Variants in PIK3CG observed in about 807,000 individuals in gnomAD.
PIK3CG encodes the protein phosphatidylinositol-4,5-bisphosphate 3-kinase catalytic subunit gamma.
Under a neutral mutation model 102.3 loss-of-function variants are expected in PIK3CG, and 55 were observed. The ratio of observed to expected loss-of-function variants is 0.54; its 90% confidence interval spans 0.43 to 0.67. The LOEUF (loss-of-function observed/expected upper bound fraction) is 0.67. Among genes scored for constraint, PIK3CG ranks in the 30% least tolerant of loss-of-function variants. The pLI is 0.00. For synonymous variants in PIK3CG, 552 were observed against 540.0 expected (o/e 1.02, Z -0.31); for missense variants, 1,258 against 1,391.8 (o/e 0.90, Z 1.53).
chr7:106,881,936 C>T (rs1456690127), intron 6 of PIK3CG, among the ~76,000 whole-genome samples, 181 bp from the exon 7 acceptor site: 3 of 152,016 alleles, frequency 2.0e-5, no homozygotes, highest in Non-Finnish European at 4.4e-5. Context: ...TTAACAAGCT[C>T]ACAAAGAAGA....
At position 106,886,258 on chromosome 7, in the gene PIK3CG, G is replaced by A. The variant is rs775602332; in HGVS notation, c.2996G>A (p.Gly999Glu). Residue 999 changes from glycine (G) to glutamate (E), a missense_variant, in exon 10 of 11, where the codon GGA (glycine) becomes GAA (glutamate). Gly to Glu is a moderately conservative substitution (Grantham distance 98). Transcript: ENST00000496166. ...PDFLFVMGTSGKKTSPHFQKF... is the reference protein window; with the variant it reads ...PDFLFVMGTSEKKTSPHFQKF... The stretch of plus-strand genomic sequence containing the variant: ...TTCCTCTTTGTGATGGGAACTTCTG[G>A]AAAGAAGACAAGCCCACACTTCCAG... 1.5e-5 allele frequency: 25 copies of A among 1,614,060 alleles called. No homozygotes were observed. Among genetic ancestry groups the A allele is most frequent in the Non-Finnish European group, 2.1e-5 (25 of 1,179,994 alleles).
At position 106,879,331 on chromosome 7, in the gene PIK3CG, G is replaced by A. The variant is rs547177594; in HGVS notation, c.2392-188G>A. ...GCACTGGTTTAAGAGTTGTGAATTC[G>A]CTCTCACATGGCATTTCCAGATTTG... On this transcript the variant is annotated intron_variant, in intron 5 of 10. Transcript: ENST00000496166. The surrounding 1 kb of genome is among the most constrained non-coding windows in gnomAD (Gnocchi z 4.9). Among the ~76,000 whole-genome samples the A allele has an allele frequency of 6.6e-6, 1 of 152,186 alleles. No homozygotes were observed. The highest frequency in any genetic ancestry group is 2.1e-4 in the South Asian group (1 of 4,820).
At position 106,894,704 on chromosome 7, in the gene PIK3CG, T is replaced by C. The variant is rs1191052421; in HGVS notation, c.3030+8412T>C. On this transcript the variant is annotated intron_variant, in intron 10 of 10. Transcript: ENST00000496166. The surrounding 1 kb of genome is among the most constrained non-coding windows in gnomAD (Gnocchi z 4.4). ...CTCTAGCAGACAGAGGCAACATTAC[T>C]ATTTAGGAAAAGTAAGTGGAGGTTC... is the stretch of plus-strand genomic sequence containing the variant. Among the ~76,000 whole-genome samples the C allele has an allele frequency of 6.6e-6, 1 of 152,234 alleles. No individual in the cohort carries two copies. The highest frequency in any genetic ancestry group is 1.5e-5 in the Non-Finnish European group (1 of 68,036).
chr7:106,867,558 G>A lies in PIK3CG; in HGVS notation c.-4G>A, dbSNP rs373674616. 1.5e-4 allele frequency: 229 copies of A among 1,549,550 alleles called. No homozygotes were observed. In the East Asian group the frequency reaches 4.2e-3, roughly 28 times the overall value. ...TGTCCCTCCGCTCCCAGGTCGCATA[G>A]GGCATGGAGCTGGAGAACTATAAAC... On this transcript the variant is annotated 5_prime_UTR_variant, in exon 2 of 11. Coordinates refer to ENST00000496166, the MANE Select transcript of PIK3CG (RefSeq NM_001282426.2). This position sits in a 1 kb window ranked among gnomAD's most constrained non-coding sequence, Gnocchi z 5.1.
In PIK3CG at chr7:106,897,836, G is replaced by T. The variant is rs934094484; in HGVS notation, c.3031-7273G>T. On this transcript the variant is annotated intron_variant, in intron 10 of 10. Transcript: ENST00000496166. This position sits in a 1 kb window ranked among gnomAD's most constrained non-coding sequence, Gnocchi z 4.6. The stretch of plus-strand genomic sequence containing the variant: ...TTGCTATTGTGAATAGTGCTGCAGT[G>T]AATATTTCTGTACATGCGTTTTTAT... Among the ~76,000 whole-genome samples, 3 of 152,100 alleles carry T rather than the reference G, an allele frequency of 2.0e-5. No individual in the cohort carries two copies. Among genetic ancestry groups the T allele is most frequent in the African/African-American group, 7.2e-5 (3 of 41,418 alleles).
At position 106,893,591 on chromosome 7, in the gene PIK3CG, G is replaced by C. The variant is rs949575181; in HGVS notation, c.3030+7299G>C. Among the ~76,000 whole-genome samples the C allele has an allele frequency of 2.0e-5, 3 of 152,116 alleles. No individual in the cohort carries two copies. Among genetic ancestry groups the C allele is most frequent in the African/African-American group, 4.8e-5 (2 of 41,406 alleles). ...ATACTCTCTCTATTAAGATCTTCTT[G>C]TGAAAATTCTACTGGTCTCAGTTTC... On this transcript the variant is annotated intron_variant, in intron 10 of 10. Coordinates refer to ENST00000496166, the MANE Select transcript of PIK3CG (RefSeq NM_001282426.2). The surrounding 1 kb of genome is among the most constrained non-coding windows in gnomAD (Gnocchi z 4.4).
intron 5 of PIK3CG, among the ~76,000 whole-genome samples, chr7:106,875,088 C>T (rs942070466): frequency 3.9e-5 from 6 of 152,168 alleles, no homozygotes; most frequent in African/African-American, 1.4e-4. Context: ...CGGTAGCTCA[C>T]GCCTGTAATC....
At position 106,893,442 on chromosome 7, in the gene PIK3CG, G is replaced by A. The variant is rs138273944; in HGVS notation, c.3030+7150G>A. On this transcript the variant is annotated intron_variant, in intron 10 of 10. Coordinates refer to ENST00000496166, the MANE Select transcript of PIK3CG (RefSeq NM_001282426.2). The surrounding 1 kb of genome is among the most constrained non-coding windows in gnomAD (Gnocchi z 4.4). ...TAAATTACTATTCTGGAAAAGATACGAATCCAAAACTGGAAAGATAATAAC... is the reference window on the plus strand; with the variant it reads ...TAAATTACTATTCTGGAAAAGATACAAATCCAAAACTGGAAAGATAATAAC... 1.2e-3 allele frequency among the ~76,000 whole-genome samples: 178 copies of A among 152,262 alleles called. 1 individual carries two copies. The highest frequency in any genetic ancestry group is 4.0e-3 in the African/African-American group (168 of 41,554).
rs1261428361 is a variant in PIK3CG, at chr7:106,879,906, A to T, written c.2538+241A>T. On this transcript the variant is annotated intron_variant, in intron 6 of 10. Transcript: ENST00000496166. The surrounding 1 kb of genome is among the most constrained non-coding windows in gnomAD (Gnocchi z 4.9). ...ATCTAACACTCCCAAGTAGCCAGAT[A>T]TACCTCCCTCACCTAATGTCTTTTT... 6.6e-6 allele frequency among the ~76,000 whole-genome samples: 1 copy of T among 152,180 alleles called. No homozygotes were observed. The highest frequency in any genetic ancestry group is 1.5e-5 in the Non-Finnish European group (1 of 68,024).
rs1791600222 is a variant in PIK3CG at position 106,902,983 on chromosome 7, A to G, written c.3031-2126A>G. Among the ~76,000 whole-genome samples the G allele has an allele frequency of 1.3e-5, 2 of 152,104 alleles. No individual in the cohort carries two copies. The highest frequency in any genetic ancestry group is 6.6e-5 in the Admixed American group (1 of 15,258). ...CTGGAATTTATTTTTGGTATATCAC[A>G]TGGAGTAGAATTTTATTTTCTCCCC... On this transcript the variant is annotated intron_variant, in intron 10 of 10. Transcript: ENST00000496166. This position sits in a 1 kb window ranked among gnomAD's most constrained non-coding sequence, Gnocchi z 4.3.
chr7:106,878,090 C>A (rs2116515288), intron 5 of PIK3CG, among the ~76,000 whole-genome samples: 1 of 152,230 alleles, frequency 6.6e-6, no homozygotes, highest in Middle Eastern at 3.4e-3. Flanking sequence ...TAAATTCTTT[C>A]AGCTTTTGTT....
chr7:106,877,634 G>A lies in PIK3CG; in HGVS notation c.2392-1885G>A, dbSNP rs1790795914. On this transcript the variant is annotated intron_variant, in intron 5 of 10. Coordinates refer to ENST00000496166, the MANE Select transcript of PIK3CG (RefSeq NM_001282426.2). This position sits in a 1 kb window ranked among gnomAD's most constrained non-coding sequence, Gnocchi z 4.5. ...AGACTGTTTTGTTTTGTTTTGTTTT[G>A]TTTTGTTTTTCCTGGAGAACTACCT... Among the ~76,000 whole-genome samples the A allele has an allele frequency of 6.6e-6, 1 of 152,010 alleles. No individual in the cohort carries two copies. The highest frequency in any genetic ancestry group is 2.4e-5 in the African/African-American group (1 of 41,400).
Position 106,905,139 on chromosome 7 carries a change from C to A in PIK3CG, c.3061C>A (p.Arg1021Ser), listed in dbSNP as rs142182764. The change falls in exon 11 of 11, where the codon CGT becomes AGT. Residue 1021 changes from arginine to serine, a missense_variant. By Grantham distance (110) the Arg-to-Ser change is moderately radical (BLOSUM62 -1). This residue lies in a region of PIK3CG where 426 missense variants were observed against 604.2 expected (regional missense o/e 0.71). Coordinates refer to ENST00000496166, the MANE Select transcript of PIK3CG (RefSeq NM_001282426.2). The surrounding 1 kb of genome is among the most constrained non-coding windows in gnomAD (Gnocchi z 5.6). ...CTGTGTTAAGGCTTATCTAGCCCTT[C>A]GTCATCACACAAACCTACTGATCAT... Reference protein sequence around the residue: ...DICVKAYLALRHHTNLLIILF... With the variant: ...DICVKAYLALSHHTNLLIILF... 9.9e-6 allele frequency: 16 copies of A among 1,613,824 alleles called. No homozygotes were observed. Among genetic ancestry groups the A allele is most frequent in the African/African-American group, 2.7e-5 (2 of 74,910 alleles).
At position 106,877,009 on chromosome 7, in the gene PIK3CG, G is replaced by T. The variant is rs1487121679; in HGVS notation, c.2391+2206G>T. Among the ~76,000 whole-genome samples the T allele has an allele frequency of 2.0e-5, 3 of 151,902 alleles. No homozygotes were observed. Among genetic ancestry groups the T allele is most frequent in the Non-Finnish European group, 4.4e-5 (3 of 67,978 alleles). On this transcript the variant is annotated intron_variant, in intron 5 of 10. Coordinates refer to ENST00000496166, the MANE Select transcript of PIK3CG (RefSeq NM_001282426.2). The surrounding 1 kb of genome is among the most constrained non-coding windows in gnomAD (Gnocchi z 4.5). ...GGCAAGGAGTATGAGACCAGACTGG[G>T]CAACATGGCGAGACTCCATCTCTAC... is the stretch of plus-strand genomic sequence containing the variant.
Position 106,872,402 on chromosome 7 carries a change from A to C in PIK3CG, c.1996-135A>C, listed in dbSNP as rs1790562083. The stretch of plus-strand genomic sequence containing the variant: ...CCTCTAACAGACAGGATTAAACTTA[A>C]GTGACTGTTAAGATTTTCATCTTTC... On this transcript the variant is annotated intron_variant, in intron 2 of 10. Coordinates refer to ENST00000496166, the MANE Select transcript of PIK3CG (RefSeq NM_001282426.2). This position sits in a 1 kb window ranked among gnomAD's most constrained non-coding sequence, Gnocchi z 5.3. The C allele has an allele frequency of 1.4e-6, 1 of 714,564 alleles. No individual in the cohort carries two copies. Among genetic ancestry groups the C allele is most frequent in the Admixed American group, 2.4e-5 (1 of 41,042 alleles). The allele number at this position is 714,564 out of a possible 1,614,324, so 44.3% of individuals were successfully genotyped here.
At chr7:106,875,909 G>GTT (rs559463107) in intron 5 of PIK3CG, among the ~76,000 whole-genome samples, 44,419 of 122,664 alleles carry the variant, frequency 0.36, 8,236 homozygotes, top group East Asian at 0.41. Flanking sequence ...TTTTTTTTTT[G>GTT]TTTTTTTTTT....
In PIK3CG at chr7:106,892,373, G is replaced by T. The variant is rs943651004; in HGVS notation, c.3030+6081G>T. ...ATCCAAAATAGGACACTAATTCAAC[G>T]CACACTGACTAAATACATACTACAG... On this transcript the variant is annotated intron_variant, in intron 10 of 10. Transcript: ENST00000496166. This position sits in a 1 kb window ranked among gnomAD's most constrained non-coding sequence, Gnocchi z 5.2. Among the ~76,000 whole-genome samples, 1 of 152,272 alleles carries T rather than the reference G, an allele frequency of 6.6e-6. No individual in the cohort carries two copies. The highest frequency in any genetic ancestry group is 2.1e-4 in the South Asian group (1 of 4,818).
chr7:106,895,683 G>A lies in PIK3CG; in HGVS notation c.3030+9391G>A, dbSNP rs1197819511. Among the ~76,000 whole-genome samples, 2 of 152,152 alleles carry A rather than the reference G, an allele frequency of 1.3e-5. No individual in the cohort carries two copies. The highest frequency in any genetic ancestry group is 2.1e-4 in the South Asian group (1 of 4,828). On this transcript the variant is annotated intron_variant, in intron 10 of 10. Transcript: ENST00000496166. The surrounding 1 kb of genome is among the most constrained non-coding windows in gnomAD (Gnocchi z 5.4). ...CTAGAGGGACAGTGAGCCCCTTAGC[G>A]TTGAACAGTATGTGTATTCAATAAT...
intron 6 of PIK3CG, among the ~76,000 whole-genome samples, chr7:106,881,306 C>T (rs1258752958): frequency 6.6e-6 from 1 of 152,148 alleles, no homozygotes; most frequent in Non-Finnish European, 1.5e-5. Context: ...CTCTTTAAGG[C>T]TTTGTTCCTT....
Sources: allele counts gnomAD v4.1 joint callset (sites outside exome capture counted in the v4.1 genomes callset), GRCh38; gene constraint gnomAD v4.1.1; regional missense constraint gnomAD v4.1.1; non-coding constraint Gnocchi (gnomAD v3.1); transcripts MANE v1.5; gene names NCBI Gene and HGNC (gene_info 2026-07-23, HGNC 2026-07-21).